The following SIPA1L2 variants were observed in gnomAD, a reference collection of about 807,000 sequenced individuals.
SIPA1L2 encodes signal induced proliferation associated 1 like 2.
In SIPA1L2, 56 loss-of-function variants were observed where a neutral mutation model predicts 163.9. The observed-to-expected ratio is 0.34, with a 90% CI of 0.28 to 0.43. The LOEUF (loss-of-function observed/expected upper bound fraction) is 0.43. SIPA1L2 is among the 20% of genes least tolerant of loss of function. SIPA1L2 has a pLI of 1.00. For missense variants in SIPA1L2, 1,974 were observed against 2,193.5 expected (o/e 0.90, Z 2.00); for synonymous variants, 877 against 865.7 (o/e 1.01, Z -0.23).
At chr1:232,476,314 C>T (rs1055995082) in intron 7 of SIPA1L2, among the ~76,000 whole-genome samples, 2 of 152,128 alleles carry the variant, frequency 1.3e-5, no homozygotes, top group African/African-American at 2.4e-5. Context: ...CTTGGTCTTA[C>T]TCATTAGATA....
At chr1:232,437,640 G>C (rs1662645390) in intron 15 of SIPA1L2, among the ~76,000 whole-genome samples, 1 of 152,120 alleles carries the variant, frequency 6.6e-6, no homozygotes, top group Non-Finnish European at 1.5e-5. Context: ...CTTGGTGACA[G>C]GGACTGACCC....
intron 2 of SIPA1L2, among the ~76,000 whole-genome samples, chr1:232,541,091 A>G (rs1197386987): frequency 6.6e-6 from 1 of 152,174 alleles, no homozygotes; most frequent in Non-Finnish European, 1.5e-5. Flanking sequence ...ACTGGGGCCA[A>G]TGAGAGGGGC....
At chr1:232,624,733 A>C (rs144017949) in intron 1 of SIPA1L2, among the ~76,000 whole-genome samples, 1 of 152,222 alleles carries the variant, frequency 6.6e-6, no homozygotes, top group Non-Finnish European at 1.5e-5. Context: ...AATATGGAGT[A>C]ATCTAATGGG....
chr1:232,411,244 G>A (rs1220419423), intron 19 of SIPA1L2, among the ~76,000 whole-genome samples: 1 of 152,202 alleles, frequency 6.6e-6, no homozygotes, highest in Non-Finnish European at 1.5e-5. Flanking sequence ...TTATGGTTCA[G>A]GCTGGCCTGG....
chr1:232,571,794 C>G (rs1659745467), intron 2 of SIPA1L2, among the ~76,000 whole-genome samples: 1 of 152,320 alleles, frequency 6.6e-6, no homozygotes, highest in East Asian at 1.9e-4. Context: ...ACTCTCACCA[C>G]GTGACATGCT....
intron 5 of SIPA1L2, among the ~76,000 whole-genome samples, chr1:232,490,448 T>C (rs1665867816): frequency 1.3e-5 from 2 of 152,292 alleles, no homozygotes; most frequent in South Asian, 4.1e-4. Context: ...AGGGACTAGG[T>C]CTTAGTCAGC....
intron 2 of SIPA1L2, among the ~76,000 whole-genome samples, chr1:232,526,469 C>G (rs1410956243): frequency 1.3e-5 from 2 of 152,188 alleles, no homozygotes; most frequent in East Asian, 3.9e-4. Context: ...TTAGAGTGCT[C>G]AACCTAAATG....
chr1:232,480,648 A>G (rs1326416104), intron 6 of SIPA1L2, among the ~76,000 whole-genome samples: 1 of 152,214 alleles, frequency 6.6e-6, no homozygotes, highest in Admixed American at 6.5e-5. Flanking sequence ...AGACAAAAAG[A>G]TATACAAAAA....
intron 3 of SIPA1L2, among the ~76,000 whole-genome samples, chr1:232,509,583 CATG>C (rs1666886892): frequency 6.6e-6 from 1 of 152,196 alleles, no homozygotes; most frequent in South Asian, 2.1e-4. Flanking sequence ...TCACCCAACT[CATG>C]ATGTTTGCAG....
chr1:232,622,555 C>T (rs1423097499), intron 1 of SIPA1L2, among the ~76,000 whole-genome samples: 1 of 152,240 alleles, frequency 6.6e-6, no homozygotes, highest in African/African-American at 2.4e-5. Context: ...ATGCAGGCAT[C>T]AGCACAGATG....
intron 2 of SIPA1L2, among the ~76,000 whole-genome samples, chr1:232,516,685 T>C (rs1667234708): frequency 6.6e-6 from 1 of 152,168 alleles, no homozygotes; most frequent in African/African-American, 2.4e-5. Flanking sequence ...GAAAAATATC[T>C]GCTATTCTAA....
rs565452706 is a variant in SIPA1L2, at chr1:232,554,439, C to G, written c.-270+19735G>C. 3.3e-5 allele frequency among the ~76,000 whole-genome samples: 5 copies of G among 152,348 alleles called. No homozygotes were observed. In the East Asian group the frequency reaches 7.7e-4, roughly 23 times the overall value. On this transcript the variant is annotated intron_variant, in intron 2 of 22. Coordinates refer to ENST00000674635, the MANE Select transcript of SIPA1L2 (RefSeq NM_020808.5). ...CATTTAAAGTCCTAGTTTTAACAAACTTACTTTATCCAGCCTCTCAAATTC... is the reference window on the plus strand; with the variant it reads ...CATTTAAAGTCCTAGTTTTAACAAAGTTACTTTATCCAGCCTCTCAAATTC...
In SIPA1L2 at chr1:232,514,706, G is replaced by C. The variant is rs1667143251; in HGVS notation, c.634C>G (p.Leu212Val). The change falls in exon 3 of 23, where the codon CTC (leucine) becomes GTC (valine). Residue 212 changes from leucine (L) to valine (V), a missense_variant. Around this residue, in one of 3 missense-constraint regions of SIPA1L2, gnomAD observed 607 missense variants for 624.0 expected, o/e 0.97. Transcript: ENST00000674635. ...TAATTTTCTACTCGGTACCCTCTGA[G>C]CATAGCAAAAAAGTTTTCACCAGAT... ...GLSGENFFAMLRGYRVENYDH... is the reference protein window; with the variant it reads ...GLSGENFFAMVRGYRVENYDH... 2.5e-6 allele frequency: 4 copies of C among 1,614,184 alleles called. No homozygotes were observed. Among genetic ancestry groups the C allele is most frequent in the Non-Finnish European group, 3.4e-6 (4 of 1,180,032 alleles).
chr1:232,600,786 T>C (rs1188669741), intron 1 of SIPA1L2, among the ~76,000 whole-genome samples: 1 of 152,072 alleles, frequency 6.6e-6, no homozygotes. Flanking sequence ...AAGGTGGCAG[T>C]TGCTCCAGGA....
chr1:232,613,818 A>G (rs1411814995), intron 1 of SIPA1L2, among the ~76,000 whole-genome samples: 2 of 152,226 alleles, frequency 1.3e-5, no homozygotes, highest in Non-Finnish European at 2.9e-5. Context: ...TCTAACCCAC[A>G]GAACACACCC....
rs1415169816 is a variant in SIPA1L2, at chr1:232,513,853, T to G, written c.1483+4A>C. The G allele has an allele frequency of 6.4e-7, 1 of 1,557,522 alleles. No homozygotes were observed. Among genetic ancestry groups the G allele is most frequent in the South Asian group, 1.2e-5 (1 of 80,318 alleles). On this transcript the variant is annotated splice_donor_region_variant and intron_variant, in intron 3 of 22. Coordinates refer to ENST00000674635, the MANE Select transcript of SIPA1L2 (RefSeq NM_020808.5). Reference sequence around the variant, plus strand: ...ACATGCAAACGCCCATGGCTCTTCCTTACCTTTCCCATAGAAGAATTTGCG... The same window carrying G: ...ACATGCAAACGCCCATGGCTCTTCCGTACCTTTCCCATAGAAGAATTTGCG...
Position 232,515,639 on chromosome 1 carries a change from CA to C in SIPA1L2, c.-269-32del, listed in dbSNP as rs148417527. ...TTAAGAGATAGGAAGTAGCCATTAG[CA>C]ATTAATATGCTTCAAGTTGAACACA... is the stretch of plus-strand genomic sequence containing the variant. On this transcript the variant is annotated intron_variant, in intron 2 of 22. Transcript: ENST00000674635. 3.6e-3 allele frequency: 1,151 copies of C among 318,744 alleles called. 18 individuals are homozygous for C. The highest frequency in any genetic ancestry group is 0.023 in the African/African-American group (1,082 of 46,856). The allele number at this position is 318,744 out of a possible 1,614,324, so 19.7% of individuals were successfully genotyped here.
At chr1:232,519,995 T>A (rs1455797341) in intron 2 of SIPA1L2, among the ~76,000 whole-genome samples, 2 of 152,234 alleles carry the variant, frequency 1.3e-5, no homozygotes, top group Non-Finnish European at 2.9e-5. Context: ...ATATGAGGCC[T>A]GTGACCTTGT....
At chr1:232,564,135 T>G (rs1659225254) in intron 2 of SIPA1L2, among the ~76,000 whole-genome samples, 1 of 37,648 alleles carries the variant, frequency 2.7e-5, no homozygotes, top group African/African-American at 2.0e-4. Context: ...ACGAAGGTTG[T>G]TTTTTTTTTT....
Sources: gnomAD v4.1 joint callset for allele counts (sites outside exome capture counted in the v4.1 genomes callset) on GRCh38, gnomAD v4.1.1 for gene constraint, gnomAD v4.1.1 regional missense constraint, MANE v1.5 for transcripts, NCBI Gene and HGNC (gene_info 2026-07-23, HGNC 2026-07-21) for gene names.